MYO9B: variants seen among roughly 807,000 people sequenced by gnomAD.
MYO9B encodes unconventional myosin-IXb.
A neutral mutation model predicts 229.5 loss-of-function variants in MYO9B; 71 were observed. The ratio of observed to expected loss-of-function variants is 0.31; its 90% CI spans 0.26 to 0.38. MYO9B has a LOEUF of 0.38. Ranked by LOEUF, MYO9B falls within the 10% of genes least tolerant of loss-of-function variation. The pLI is 1.00. For synonymous variants in MYO9B, 1,185 were observed against 1,235.8 expected (o/e 0.96, Z 0.86); for missense variants, 2,255 against 2,920.5 (o/e 0.77, Z 5.25).
intron 1 of MYO9B, among the ~76,000 whole-genome samples, chr19:17,086,389 A>G (rs531774872): frequency 2.0e-4 from 31 of 152,282 alleles, no homozygotes; most frequent in Middle Eastern, 3.4e-3. Flanking sequence ...TTTGCACTGT[A>G]CAGGCCTCAG....
At chr19:17,097,226 C>T (rs974797255) in intron 1 of MYO9B, among the ~76,000 whole-genome samples, 31 of 151,586 alleles carry the variant, frequency 2.0e-4, no homozygotes, top group African/African-American at 7.0e-4. Flanking sequence ...GAGGCTGAGG[C>T]AGTAGAGTTG....
chr19:17,132,977 A>G (rs2072220933), intron 2 of MYO9B, among the ~76,000 whole-genome samples: 2 of 151,662 alleles, frequency 1.3e-5, no homozygotes. Flanking sequence ...CCTCCCGAGT[A>G]GCTGGAACTA....
intron 2 of MYO9B, among the ~76,000 whole-genome samples, 185 bp from the exon 3 acceptor site, chr19:17,145,212 G>T (rs1389546555): frequency 6.6e-6 from 1 of 152,004 alleles, no homozygotes; most frequent in Non-Finnish European, 1.5e-5. Context: ...GGAGGCAGAG[G>T]TTGCAGTGAG....
At chr19:17,116,051 G>A (rs1307532451) in intron 2 of MYO9B, among the ~76,000 whole-genome samples, 1 of 152,016 alleles carries the variant, frequency 6.6e-6, no homozygotes, top group Non-Finnish European at 1.5e-5. Flanking sequence ...TGGTAGTACA[G>A]CCCATGCATT....
intron 23 of MYO9B, 26 bp downstream of exon 23, chr19:17,197,884 T>C: frequency 1.2e-6 from 2 of 1,611,038 alleles, no homozygotes; most frequent in African/African-American, 1.3e-5. Context: ...CAAAACCCCG[T>C]CTCCACTAAA....
At chr19:17,186,793 C>T (rs1192873960) in intron 18 of MYO9B, among the ~76,000 whole-genome samples, 6 of 152,008 alleles carry the variant, frequency 3.9e-5, no homozygotes, top group Admixed American at 2.6e-4. Context: ...TACAGTGGTG[C>T]GATCTCGGCT....
chr19:17,160,818 G>A (rs2072592352), intron 8 of MYO9B, among the ~76,000 whole-genome samples: 1 of 152,144 alleles, frequency 6.6e-6, no homozygotes, highest in South Asian at 2.1e-4. Flanking sequence ...TCCTGCCTCA[G>A]CCTCCTGAGC....
chr19:17,123,200 G>A (rs752569724), intron 2 of MYO9B, among the ~76,000 whole-genome samples: 4 of 152,076 alleles, frequency 2.6e-5, no homozygotes, highest in Non-Finnish European at 5.9e-5. Context: ...TAAATCAAAG[G>A]GCTTCAGGAA....
At chr19:17,149,442 C>A (rs1484222756) in intron 3 of MYO9B, among the ~76,000 whole-genome samples, 2 of 152,158 alleles carry the variant, frequency 1.3e-5, no homozygotes, top group Admixed American at 1.3e-4. Context: ...GACCAGTGGA[C>A]CTCCATGGCC....
chr19:17,173,964 G>A (rs1019849743), intron 13 of MYO9B, among the ~76,000 whole-genome samples: 2 of 151,428 alleles, frequency 1.3e-5, no homozygotes, highest in African/African-American at 4.9e-5. Context: ...TCTGTTTTGG[G>A]GATCCAAAAC....
intron 2 of MYO9B, among the ~76,000 whole-genome samples, chr19:17,112,722 A>G (rs1024476103): frequency 6.6e-6 from 1 of 152,218 alleles, no homozygotes; most frequent in African/African-American, 2.4e-5. Context: ...CCAGCCACAC[A>G]AAGAATCCCG....
chr19:17,162,324 G>A lies in MYO9B; in HGVS notation c.1420-26G>A, dbSNP rs368123740. ...CAGCGCAGGGCCTGCCGTGCCGGAGGTGAGTCACCCCCTCTGTGTCCACAG... is the reference window on the plus strand; with the variant it reads ...CAGCGCAGGGCCTGCCGTGCCGGAGATGAGTCACCCCCTCTGTGTCCACAG... On this transcript the variant is annotated intron_variant, in intron 8 of 39. Coordinates refer to ENST00000682292, the MANE Select transcript of MYO9B (RefSeq NM_004145.4). The A allele has an allele frequency of 2.9e-5, 45 of 1,541,806 alleles. No individual in the cohort carries two copies. In the African/African-American group the frequency reaches 4.3e-4, roughly 15 times the overall value.
At chr19:17,130,382 C>T (rs538710360) in intron 2 of MYO9B, among the ~76,000 whole-genome samples, 160 of 151,972 alleles carry the variant, frequency 1.1e-3, no homozygotes, top group Non-Finnish European at 2.0e-3. Flanking sequence ...TTTGGGAGGC[C>T]GAGGCAGGCG....
chr19:17,156,456 G>A (rs1013151788), intron 6 of MYO9B, among the ~76,000 whole-genome samples: 5 of 152,056 alleles, frequency 3.3e-5, no homozygotes, highest in African/African-American at 1.2e-4. Context: ...GCAGTGGCTC[G>A]TGCCAATAAT....
intron 1 of MYO9B, among the ~76,000 whole-genome samples, chr19:17,092,685 G>T (rs1413669822): frequency 7.0e-6 from 1 of 142,424 alleles, no homozygotes; most frequent in Admixed American, 7.5e-5. Context: ...AGATCGCACC[G>T]CTGCATTCCA....
Position 17,172,663 on chromosome 19 carries a change from C to A in MYO9B, c.1936-96C>A. The A allele has an allele frequency of 6.6e-7, 1 of 1,507,598 alleles. No individual in the cohort carries two copies. Among genetic ancestry groups the A allele is most frequent in the Non-Finnish European group, 9.2e-7 (1 of 1,092,784 alleles). 93.4% of individuals were successfully genotyped at this position (1,507,598 alleles called of 1,614,324 possible). ...CCATTTGCACTTAGGATGGGCCCCA[C>A]CCCACCGTCAGCCCTTCCTGCGCCA... On this transcript the variant is annotated intron_variant, in intron 12 of 39. Coordinates refer to ENST00000682292, the MANE Select transcript of MYO9B (RefSeq NM_004145.4). The surrounding 1 kb of genome is among the most constrained non-coding windows in gnomAD (Gnocchi z 8.2).
intron 30 of MYO9B, 82 bp downstream of exon 30, chr19:17,203,340 C>A: frequency 1.8e-6 from 2 of 1,096,532 alleles, no homozygotes; most frequent in African/African-American, 1.6e-5. Context: ...CAGGGCCAGG[C>A]GGGGTGGCTC....
chr19:17,119,776 C>G (rs1181110971), intron 2 of MYO9B, among the ~76,000 whole-genome samples: 7 of 152,146 alleles, frequency 4.6e-5, no homozygotes, highest in Non-Finnish European at 8.8e-5. Flanking sequence ...CTCAGCCTCC[C>G]AAGTATCTGG....
At chr19:17,126,180 C>T (rs78864427) in intron 2 of MYO9B, among the ~76,000 whole-genome samples, 3,704 of 152,306 alleles carry the variant, frequency 0.024, 129 homozygotes, top group African/African-American at 0.078. Context: ...TCCTCGCCTC[C>T]AGCCCTGCCT....
Sources: gnomAD v4.1 joint callset for allele counts (sites outside exome capture counted in the v4.1 genomes callset) on GRCh38, gnomAD v4.1.1 for gene constraint, Gnocchi (gnomAD v3.1) non-coding constraint, MANE v1.5 for transcripts, NCBI Gene and HGNC (gene_info 2026-07-23, HGNC 2026-07-21) for gene names.